Variants in SLC38A9 observed in about 807,000 individuals in gnomAD.
SLC38A9 encodes the protein neutral amino acid transporter 9.
In SLC38A9, 48 loss-of-function variants were observed where a neutral mutation model predicts 62.3. The observed-to-expected ratio is 0.77, with a 90% CI of 0.61 to 0.98. The LOEUF is 0.98. Ranked by LOEUF, SLC38A9 falls within the 50% of genes least tolerant of loss-of-function variation. SLC38A9 has a pLI of 0.00. For synonymous variants in SLC38A9, 204 were observed against 227.7 expected, an observed-to-expected ratio of 0.90 and a Z score of 0.94; for missense variants, 541 against 679.8, an observed-to-expected ratio of 0.80 and a Z score of 2.27.
intron 7 of SLC38A9, among the ~76,000 whole-genome samples, chr5:55,665,472 G>C (rs1191170943): frequency 1.3e-5 from 2 of 150,802 alleles, no homozygotes; most frequent in African/African-American, 4.9e-5. Flanking sequence ...GTTTGAACCT[G>C]GGAGGCAGAG....
intron 3 of SLC38A9, among the ~76,000 whole-genome samples, chr5:55,679,588 T>G (rs1343735351): frequency 5.2e-5 from 5 of 96,526 alleles, no homozygotes; most frequent in African/African-American, 1.6e-4. Flanking sequence ...GAAATGCAAG[T>G]TTTTAGTTTT....
intron 3 of SLC38A9, among the ~76,000 whole-genome samples, chr5:55,688,802 T>C (rs1221163537): frequency 6.6e-6 from 1 of 152,094 alleles, no homozygotes; most frequent in African/African-American, 2.4e-5. Context: ...CTCACTATAA[T>C]AGAAAAGAGA....
intron 14 of SLC38A9, 134 bp downstream of exon 14, chr5:55,633,620 C>T (rs1743888561): frequency 7.4e-6 from 9 of 1,209,714 alleles, no homozygotes; most frequent in Non-Finnish European, 1.0e-5. Context: ...GAAGAGGACA[C>T]CAATGATCTA....
At chr5:55,681,826 T>C (rs2150437260) in intron 3 of SLC38A9, among the ~76,000 whole-genome samples, 1 of 152,286 alleles carries the variant, frequency 6.6e-6, no homozygotes, top group Non-Finnish European at 1.5e-5. Flanking sequence ...CAAGCCCATG[T>C]CCTGTTTTCA....
intron 3 of SLC38A9, among the ~76,000 whole-genome samples, chr5:55,678,276 T>C (rs1036637469): frequency 6.6e-6 from 1 of 151,914 alleles, no homozygotes; most frequent in Admixed American, 6.6e-5. Context: ...TAGCTGGGAC[T>C]ATAGGCATGT....
intron 3 of SLC38A9, among the ~76,000 whole-genome samples, chr5:55,687,591 T>C (rs1351221545): frequency 6.6e-6 from 1 of 152,250 alleles, no homozygotes; most frequent in Non-Finnish European, 1.5e-5. Flanking sequence ...TTTCCATTTG[T>C]CTGTGTCATC....
chr5:55,684,765 T>C (rs1175309748), intron 3 of SLC38A9, among the ~76,000 whole-genome samples: 1 of 152,192 alleles, frequency 6.6e-6, no homozygotes, highest in Non-Finnish European at 1.5e-5. Context: ...GCGATTCTCC[T>C]GCCTCAGCCT....
intron 11 of SLC38A9, 88 bp from the exon 12 acceptor site, chr5:55,645,983 G>A (rs6450330): frequency 0.64 from 488,135 of 765,708 alleles, 157,732 homozygotes; most frequent in South Asian, 0.7. Context: ...AAAATCAGTT[G>A]TCACTGTTTT....
At chr5:55,670,932 C>T (rs1295646714) in intron 4 of SLC38A9, among the ~76,000 whole-genome samples, 1 of 152,238 alleles carries the variant, frequency 6.6e-6, no homozygotes, top group African/African-American at 2.4e-5. Context: ...TTTTGGAAAT[C>T]CCTATTTTGG....
chr5:55,648,229 ACT>A (rs1746742729), intron 11 of SLC38A9, among the ~76,000 whole-genome samples: 2 of 152,036 alleles, frequency 1.3e-5, no homozygotes, highest in Non-Finnish European at 2.9e-5. Context: ...ACACAGTGAG[ACT>A]CTGTCTCAAA....
In SLC38A9 at chr5:55,671,502, C is replaced by CTTTTTTTTTTTTTTTTTTTTT. The variant is rs145470405; in HGVS notation, c.246+1060_246+1061insAAAAAAAAAAAAAAAAAAAAA. Among the ~76,000 whole-genome samples, 3 of 144,352 alleles carry CTTTTTTTTTTTTTTTTTTTTT rather than the reference C, an allele frequency of 2.1e-5. 1 individual carries two copies. The highest frequency in any genetic ancestry group is 2.5e-5 in the African/African-American group (1 of 39,588). The allele number at this position is 144,352 out of a possible 152,430, so 94.7% of individuals were successfully genotyped here. On this transcript the variant is annotated intron_variant, in intron 4 of 15. Transcript: ENST00000396865. ...TGTGTACATATTTCAGTTTCCCATTCTTCTTTTTTTTTTTTTTTAAGAGAT... is the reference window on the plus strand; with the variant it reads ...TGTGTACATATTTCAGTTTCCCATTCTTTTTTTTTTTTTTTTTTTTTTTCTTTTTTTTTTTTTTTAAGAGAT...
chr5:55,685,088 T>C (rs1753578612), intron 3 of SLC38A9, among the ~76,000 whole-genome samples: 1 of 152,240 alleles, frequency 6.6e-6, no homozygotes. Flanking sequence ...TTATTAGTTG[T>C]CCTATGTCTT....
chr5:55,696,010 G>A (rs1469493720), intron 3 of SLC38A9: 1 of 90,718 alleles, frequency 1.1e-5, no homozygotes, highest in Non-Finnish European at 2.6e-5. Flanking sequence ...CGGGGCAGCT[G>A]GCCGGGCGGG....
chr5:55,666,842 C>T (rs13159107), intron 7 of SLC38A9, among the ~76,000 whole-genome samples: 91,039 of 151,974 alleles, frequency 0.6, 27,859 homozygotes, highest in South Asian at 0.7. Context: ...AGTGAAATCC[C>T]GTCTCTACTA....
chr5:55,694,910 G>A (rs1235303902), intron 3 of SLC38A9, among the ~76,000 whole-genome samples: 4 of 151,984 alleles, frequency 2.6e-5, no homozygotes, highest in African/African-American at 9.7e-5. Context: ...GCGCCACCAC[G>A]CCCAGCTAAT....
chr5:55,637,294 T>C (rs537415397), intron 12 of SLC38A9, among the ~76,000 whole-genome samples: 4 of 152,322 alleles, frequency 2.6e-5, no homozygotes, highest in African/African-American at 9.6e-5. Context: ...GGGGGAAATC[T>C]GATTAAGATG....
Position 55,664,957 on chromosome 5 carries a change from G to A in SLC38A9, c.527-94C>T, listed in dbSNP as rs1055835271. 51 of 704,268 alleles carry A rather than the reference G, an allele frequency of 7.2e-5. 1 individual carries two copies. Among genetic ancestry groups the A allele is most frequent in the Non-Finnish European group, 9.6e-5 (43 of 448,162 alleles). The allele number at this position is 704,268 out of a possible 1,614,324, so 43.6% of individuals were successfully genotyped here. Reference sequence around the variant, plus strand: ...CCCAAATAAACTCAAAATATTTGGCGAAAGATTATGGGTATTCTATCGCTA... The same window carrying A: ...CCCAAATAAACTCAAAATATTTGGCAAAAGATTATGGGTATTCTATCGCTA... On this transcript the variant is annotated intron_variant, in intron 7 of 15. Transcript: ENST00000396865.
At chr5:55,648,095 CG>C (rs1184603678) in intron 11 of SLC38A9, among the ~76,000 whole-genome samples, 1 of 151,932 alleles carries the variant, frequency 6.6e-6, no homozygotes, top group Admixed American at 6.6e-5. Flanking sequence ...CAAAATTAGC[CG>C]GGCATGGTGG....
At chr5:55,694,931 T>C (rs1315515619) in intron 3 of SLC38A9, among the ~76,000 whole-genome samples, 3 of 152,102 alleles carry the variant, frequency 2.0e-5, no homozygotes, top group Admixed American at 1.3e-4. Context: ...TTTTGTACTT[T>C]TAGTAGAGAC....
Sources: gnomAD v4.1 joint callset for allele counts (sites outside exome capture counted in the v4.1 genomes callset) on GRCh38, gnomAD v4.1.1 for gene constraint, MANE v1.5 for transcripts, NCBI Gene and HGNC (gene_info 2026-07-23, HGNC 2026-07-21) for gene names.